The following TIGAR variants were observed in gnomAD, a reference collection of about 807,000 sequenced individuals.
TIGAR encodes TP53 induced glycolysis regulatory phosphatase.
In TIGAR, 7 loss-of-function variants were observed where a neutral mutation model predicts 17.9. That is an observed-to-expected ratio of 0.39 (90% CI 0.22 to 0.73). The LOEUF (loss-of-function observed/expected upper bound fraction) is 0.73, where lower values mean the gene tolerates loss of function less well. TIGAR is among the 30% of genes least tolerant of loss of function. TIGAR has a pLI of 0.42. For missense variants in TIGAR, 258 were observed against 327.4 expected (o/e 0.79, Z 1.64); for synonymous variants, 94 against 108.6 (o/e 0.87, Z 0.84).
intron 2 of TIGAR, among the ~76,000 whole-genome samples, chr12:4,333,583 C>CT (rs1393475236): frequency 6.6e-6 from 1 of 152,192 alleles, no homozygotes; most frequent in East Asian, 1.9e-4. Flanking sequence ...ATTCTCCTGT[C>CT]TCAGCCTCCT....
chr12:4,339,294 A>G (rs993220209), intron 3 of TIGAR, among the ~76,000 whole-genome samples: 5 of 152,304 alleles, frequency 3.3e-5, no homozygotes, highest in African/African-American at 1.2e-4. Flanking sequence ...AAAATTGGAA[A>G]ATCTAGAGGA....
rs777711454 is a variant in TIGAR at position 4,332,238 on chromosome 12, C to CTTTTTTTTTT, written c.70+934_70+943dup. On this transcript the variant is annotated intron_variant, in intron 2 of 5. Transcript: ENST00000179259. ...ATAAGCATTCAAGGCTCATGTATTTCTTTTTTTTTTTTTTTTTTTTTTGAG... is the reference window on the plus strand; with the variant it reads ...ATAAGCATTCAAGGCTCATGTATTTCTTTTTTTTTTTTTTTTTTTTTTTTTTTTTTTTGAG... 5.2e-4 allele frequency among the ~76,000 whole-genome samples: 50 copies of CTTTTTTTTTT among 95,324 alleles called. 1 individual carries two copies. Among genetic ancestry groups the CTTTTTTTTTT allele is most frequent in the East Asian group, 1.0e-3 (3 of 2,870 alleles). The allele number at this position is 95,324 out of a possible 152,430, so 62.5% of individuals were successfully genotyped here.
At chr12:4,332,939 C>T (rs1460541045) in intron 2 of TIGAR, among the ~76,000 whole-genome samples, 1 of 152,056 alleles carries the variant, frequency 6.6e-6, no homozygotes, top group Non-Finnish European at 1.5e-5. Context: ...CTGCAGTGGC[C>T]AGTTTGCCCT....
chr12:4,345,689 A>G (rs1864771716), intron 3 of TIGAR, among the ~76,000 whole-genome samples: 1 of 152,238 alleles, frequency 6.6e-6, no homozygotes, highest in South Asian at 2.1e-4. Flanking sequence ...CATTCAGGAC[A>G]TAGGCATGGG....
intron 3 of TIGAR, among the ~76,000 whole-genome samples, chr12:4,342,919 C>G (rs1864739939): frequency 6.6e-6 from 1 of 152,118 alleles, no homozygotes; most frequent in African/African-American, 2.4e-5. Flanking sequence ...GCTAAATGTT[C>G]CAATTAAAAG....
intron 4 of TIGAR, 104 bp downstream of exon 4, chr12:4,350,000 A>ATC: frequency 1.4e-6 from 1 of 739,168 alleles, no homozygotes; most frequent in Admixed American, 3.1e-5. Context: ...AGGGATTTCG[A>ATC]ATCAGTGAAA....
At chr12:4,325,162 G>T (rs1445291139) in intron 1 of TIGAR, among the ~76,000 whole-genome samples, 1 of 151,864 alleles carries the variant, frequency 6.6e-6, no homozygotes, top group Non-Finnish European at 1.5e-5. Context: ...GGCTGGTCTC[G>T]AACTCCCGAC....
intron 1 of TIGAR, among the ~76,000 whole-genome samples, chr12:4,327,881 TG>T (rs1366807815): frequency 5.3e-5 from 8 of 152,114 alleles, no homozygotes; most frequent in African/African-American, 1.9e-4. Flanking sequence ...TTGGCCAGGC[TG>T]GTCTCAAACT....
rs1182437858 is a variant in TIGAR, at chr12:4,321,225, A to T, written c.-47A>T. The T allele has an allele frequency of 2.5e-6, 4 of 1,598,718 alleles. No individual in the cohort carries two copies. In the East Asian group the frequency reaches 8.9e-5, roughly 36 times the overall value. ...GTGTGGGGGAGGTAGCCCGCAGTGC[A>T]GGGGCAGCGCGGCGCGGGGCCACCG... On this transcript the variant is annotated 5_prime_UTR_variant, in exon 1 of 6. Transcript: ENST00000179259. This position sits in a 1 kb window ranked among gnomAD's most constrained non-coding sequence, Gnocchi z 5.2.
rs763298752 is a variant in TIGAR at position 4,352,629 on chromosome 12, A to G, written c.751A>G (p.Thr251Ala). The change falls in exon 6 of 6, where the codon ACG (threonine) becomes GCG (alanine). Residue 251 changes from threonine to alanine, a missense_variant. Coordinates refer to ENST00000179259, the MANE Select transcript of TIGAR (RefSeq NM_020375.3). ...TGAGGAAGGAAGAGAAGTTAAACCA[A>G]CGGTTCAGTGTATTTGTATGAACCT... ...NFEEGREVKP[T>A]VQCICMNLQD... The G allele has an allele frequency of 1.4e-5, 23 of 1,608,294 alleles. 1 individual carries two copies. The Admixed American group carries it at 3.7e-4, about 26-fold the overall frequency.
intron 2 of TIGAR, 25 bp from the exon 3 acceptor site, chr12:4,337,014 T>C (rs1162475773): frequency 6.4e-7 from 1 of 1,574,654 alleles, no homozygotes; most frequent in Non-Finnish European, 8.7e-7. Context: ...TGAATGTTAT[T>C]GTTCCTCTTC....
rs1864955468 is a variant in TIGAR at position 4,359,833 on chromosome 12, G to A, written c.*7142G>A. ...ACCATTTCATGCTTATCAACAATGA[G>A]TTCTAGGTGCTTCACATCCTTGCCA... is the stretch of plus-strand genomic sequence containing the variant. On this transcript the variant is annotated 3_prime_UTR_variant, in exon 6 of 6. Coordinates refer to ENST00000179259, the MANE Select transcript of TIGAR (RefSeq NM_020375.3). Among the ~76,000 whole-genome samples, 2 of 152,104 alleles carry A rather than the reference G, an allele frequency of 1.3e-5. No individual in the cohort carries two copies. Among genetic ancestry groups the A allele is most frequent in the Admixed American group, 1.3e-4 (2 of 15,274 alleles).
Position 4,321,360 on chromosome 12 carries a change from C to A in TIGAR, c.32+57C>A, listed in dbSNP as rs1334327484. 2 of 1,595,786 alleles carry A rather than the reference C, an allele frequency of 1.3e-6. No individual in the cohort carries two copies. Among genetic ancestry groups the A allele is most frequent in the Non-Finnish European group, 1.7e-6 (2 of 1,176,992 alleles). On this transcript the variant is annotated intron_variant, in intron 1 of 5. Transcript: ENST00000179259. The surrounding 1 kb of genome is among the most constrained non-coding windows in gnomAD (Gnocchi z 5.2). ...TCTCTCTTCCTTGAGTGTGTTGGAG[C>A]GGGTGAAGGGAAAACGGGTCCACCA...
intron 1 of TIGAR, among the ~76,000 whole-genome samples, chr12:4,325,156 G>A (rs1864530220): frequency 6.6e-6 from 1 of 151,814 alleles, no homozygotes; most frequent in Admixed American, 6.6e-5. Context: ...TGGTCAGGCT[G>A]GTCTCGAACT....
intron 3 of TIGAR, among the ~76,000 whole-genome samples, chr12:4,346,283 G>T (rs545441117): frequency 6.6e-6 from 1 of 152,020 alleles, no homozygotes; most frequent in Non-Finnish European, 1.5e-5. Context: ...TATAAATCAT[G>T]TGCTATAAAG....
chr12:4,352,914 G>T lies in TIGAR; in HGVS notation c.*223G>T. On this transcript the variant is annotated 3_prime_UTR_variant, in exon 6 of 6. Coordinates refer to ENST00000179259, the MANE Select transcript of TIGAR (RefSeq NM_020375.3). Reference sequence around the variant, plus strand: ...TTTTCCAGAATAATTTTACCACCCTGCTAGATGTCATCTCTGGATTGCACA... The same window carrying T: ...TTTTCCAGAATAATTTTACCACCCTTCTAGATGTCATCTCTGGATTGCACA... 1 of 504,128 alleles carries T rather than the reference G, an allele frequency of 2.0e-6. No homozygotes were observed. Among genetic ancestry groups the T allele is most frequent in the Non-Finnish European group, 3.5e-6 (1 of 285,682 alleles). The allele number at this position is 504,128 out of a possible 1,614,324, so 31.2% of individuals were successfully genotyped here.
Position 4,358,778 on chromosome 12 carries a change from G to C in TIGAR, c.*6087G>C, listed in dbSNP as rs1346816215. 6.8e-6 allele frequency among the ~76,000 whole-genome samples: 1 copy of C among 147,858 alleles called. No homozygotes were observed. Among genetic ancestry groups the C allele is most frequent in the Non-Finnish European group, 1.5e-5 (1 of 67,308 alleles). On this transcript the variant is annotated 3_prime_UTR_variant, in exon 6 of 6. Transcript: ENST00000179259. ...CAATCAATCCAGGACTGTGTGTTGTGTTGCATTTAGTTGTCATGTTTCTTC... is the reference window on the plus strand; with the variant it reads ...CAATCAATCCAGGACTGTGTGTTGTCTTGCATTTAGTTGTCATGTTTCTTC...
At chr12:4,343,910 A>G (rs1864751860) in intron 3 of TIGAR, among the ~76,000 whole-genome samples, 1 of 152,222 alleles carries the variant, frequency 6.6e-6, no homozygotes, top group South Asian at 2.1e-4. Context: ...AGAGACACAA[A>G]AAACCCTTCC....
At position 4,344,675 on chromosome 12, in the gene TIGAR, G is replaced by A. The variant is rs1360472164; in HGVS notation, c.193-5144G>A. On this transcript the variant is annotated intron_variant, in intron 3 of 5. Transcript: ENST00000179259. ...AAAAGGCCTTTGACAAAATTCAACAGCCCTTCATGCTAAAAACTCTCAATA... is the reference window on the plus strand; with the variant it reads ...AAAAGGCCTTTGACAAAATTCAACAACCCTTCATGCTAAAAACTCTCAATA... 1.1e-4 allele frequency among the ~76,000 whole-genome samples: 16 copies of A among 152,156 alleles called. No homozygotes were observed. The South Asian group carries it at 3.1e-3, about 30-fold the overall frequency.
Sources: gnomAD v4.1 joint callset for allele counts (sites outside exome capture counted in the v4.1 genomes callset) on GRCh38, gnomAD v4.1.1 for gene constraint, Gnocchi (gnomAD v3.1) non-coding constraint, MANE v1.5 for transcripts, NCBI Gene and HGNC (gene_info 2026-07-23, HGNC 2026-07-21) for gene names.